Variants in ZNF407 observed in about 807,000 individuals in gnomAD.
ZNF407 encodes the protein zinc finger protein 407.
ZNF407 carries 17 observed loss-of-function variants against 131.2 expected under a neutral mutation model. The observed-to-expected ratio is 0.13, with a 90% CI of 0.09 to 0.19. The LOEUF is 0.19. Among genes scored for constraint, ZNF407 ranks in the 10% least tolerant of loss-of-function variants. The pLI is 1.00. For missense variants in ZNF407, 2,681 were observed against 2,830.6 expected, an observed-to-expected ratio of 0.95 and a Z score of 1.20; for synonymous variants, 1,156 against 1,062.0, an observed-to-expected ratio of 1.09 and a Z score of -1.72.
In ZNF407 at chr18:74,852,187, A is replaced by G. The variant is rs1970795281; in HGVS notation, c.4878-25010A>G. ...GCTACACACACACACACACACACAC[A>G]CACACACACACGCACGCACGCACGC... is the stretch of plus-strand genomic sequence containing the variant. On this transcript the variant is annotated intron_variant, in intron 4 of 8. Coordinates refer to ENST00000299687, the MANE Select transcript of ZNF407 (RefSeq NM_017757.3). Among the ~76,000 whole-genome samples the G allele has an allele frequency of 8.0e-5, 10 of 124,594 alleles. No individual in the cohort carries two copies. In the South Asian group the frequency reaches 2.4e-3, roughly 30 times the overall value. The allele number at this position is 124,594 out of a possible 152,430, so 81.7% of individuals were successfully genotyped here.
At chr18:74,622,771 A>T (rs1001069890) in intron 1 of ZNF407, among the ~76,000 whole-genome samples, 6 of 151,204 alleles carry the variant, frequency 4.0e-5, no homozygotes, top group African/African-American at 1.5e-4. Flanking sequence ...TTTGTGTGTG[A>T]GAGTGCGCGT....
At chr18:74,907,926 A>G (rs905896567) in intron 7 of ZNF407, among the ~76,000 whole-genome samples, 1 of 152,188 alleles carries the variant, frequency 6.6e-6, no homozygotes, top group Non-Finnish European at 1.5e-5. Flanking sequence ...AATTTTGCCA[A>G]TCTGTCACCT....
intron 4 of ZNF407, among the ~76,000 whole-genome samples, chr18:74,809,328 T>G (rs1331041091): frequency 6.6e-6 from 1 of 152,188 alleles, no homozygotes; most frequent in Non-Finnish European, 1.5e-5. Flanking sequence ...AGCATCCCAT[T>G]TGCAGTATAC....
At chr18:74,739,055 G>A (rs1316910086) in intron 3 of ZNF407, among the ~76,000 whole-genome samples, 1 of 151,646 alleles carries the variant, frequency 6.6e-6, no homozygotes, top group South Asian at 2.1e-4. Context: ...TTTAGTGCCA[G>A]TAAATTTTTT....
intron 8 of ZNF407, among the ~76,000 whole-genome samples, chr18:74,989,975 C>G (rs571980856): frequency 6.6e-6 from 1 of 152,202 alleles, no homozygotes; most frequent in African/African-American, 2.4e-5. Context: ...ATGATATTCT[C>G]TGAAAATCAA....
intron 1 of ZNF407, among the ~76,000 whole-genome samples, chr18:74,606,235 G>A (rs1344476446): frequency 1.3e-5 from 2 of 152,046 alleles, no homozygotes; most frequent in African/African-American, 4.8e-5. Flanking sequence ...AATCTGCTAT[G>A]TGAAAAAAAT....
chr18:75,038,157 C>T (rs1181762239), intron 8 of ZNF407, among the ~76,000 whole-genome samples: 2 of 152,224 alleles, frequency 1.3e-5, no homozygotes, highest in African/African-American at 4.8e-5. Context: ...GTGGGTTTAT[C>T]AGCTAAGCTG....
Position 75,063,900 on chromosome 18 carries a change from T to C in ZNF407, c.6179T>C (p.Val2060Ala), listed in dbSNP as rs768432607. The change falls in exon 9 of 9, where the codon GTC becomes GCC. Residue 2060 changes from valine (V) to alanine (A), a missense_variant. Coordinates refer to ENST00000299687, the MANE Select transcript of ZNF407 (RefSeq NM_017757.3). The surrounding 1 kb of genome is among the most constrained non-coding windows in gnomAD (Gnocchi z 6.6). Reference sequence around the variant, plus strand: ...GCCGTGGAGGTGCTCACCCAGGTGGTCCATCCCTCAGCAGCCATGGCCTCT... The same window carrying C: ...GCCGTGGAGGTGCTCACCCAGGTGGCCCATCCCTCAGCAGCCATGGCCTCT... ...PAAVEVLTQVVHPSAAMASQE... is the reference protein window; with the variant it reads ...PAAVEVLTQVAHPSAAMASQE... 3 of 1,613,162 alleles carry C rather than the reference T, an allele frequency of 1.9e-6. No homozygotes were observed. Among genetic ancestry groups the C allele is most frequent in the Non-Finnish European group, 2.5e-6 (3 of 1,179,804 alleles).
At position 74,937,119 on chromosome 18, in the gene ZNF407, A is replaced by G. The variant is rs534447719; in HGVS notation, c.5428+16427A>G. On this transcript the variant is annotated intron_variant, in intron 8 of 8. Coordinates refer to ENST00000299687, the MANE Select transcript of ZNF407 (RefSeq NM_017757.3). ...GCTTTAGGAAAGCACCCCTGAGCAA[A>G]TGACCTGTATAGAGCATCTGGAAAT... Among the ~76,000 whole-genome samples the G allele has an allele frequency of 2.6e-5, 4 of 152,330 alleles. No homozygotes were observed. In the East Asian group the frequency reaches 7.7e-4, roughly 29 times the overall value.
At position 74,982,578 on chromosome 18, in the gene ZNF407, A is replaced by G. The variant is rs115666830; in HGVS notation, c.5428+61886A>G. On this transcript the variant is annotated intron_variant, in intron 8 of 8. Coordinates refer to ENST00000299687, the MANE Select transcript of ZNF407 (RefSeq NM_017757.3). Reference sequence around the variant, plus strand: ...TGAGTTCCCTTGCTACTCATCAGGGATGCAGCTATCACTCATACTCCAGTG... The same window carrying G: ...TGAGTTCCCTTGCTACTCATCAGGGGTGCAGCTATCACTCATACTCCAGTG... Among the ~76,000 whole-genome samples, 379 of 152,326 alleles carry G rather than the reference A, an allele frequency of 2.5e-3. 3 individuals are homozygous for G. Among genetic ancestry groups the G allele is most frequent in the African/African-American group, 8.6e-3 (357 of 41,578 alleles).
At chr18:74,598,129 A>T (rs1200124214) in intron 1 of ZNF407, 192 bp downstream of exon 1, 1 of 120,052 alleles carries the variant, frequency 8.3e-6, no homozygotes, top group East Asian at 2.6e-4. Context: ...CCTTCCCGAC[A>T]CCCGCCCAGA....
intron 3 of ZNF407, among the ~76,000 whole-genome samples, chr18:74,736,469 T>C (rs932619907): frequency 6.6e-6 from 1 of 152,206 alleles, no homozygotes; most frequent in African/African-American, 2.4e-5. Context: ...TTTAGACTTA[T>C]TACCTAGTGG....
chr18:74,877,540 A>G (rs1971176464), intron 5 of ZNF407, among the ~76,000 whole-genome samples, 177 bp downstream of exon 5: 1 of 152,228 alleles, frequency 6.6e-6, no homozygotes, highest in South Asian at 2.1e-4. Flanking sequence ...TTTTTCAGTG[A>G]GAAGGCAATT....
chr18:74,818,912 C>T (rs1419398509), intron 4 of ZNF407, among the ~76,000 whole-genome samples: 3 of 147,706 alleles, frequency 2.0e-5, no homozygotes, highest in Non-Finnish European at 4.5e-5. Context: ...AAGCATTTTA[C>T]CATGACTCTT....
chr18:74,648,058 C>T (rs767758009), intron 3 of ZNF407, among the ~76,000 whole-genome samples: 1 of 152,166 alleles, frequency 6.6e-6, no homozygotes. Context: ...ATTAAACAAA[C>T]ACCTGTTGGA....
rs1488892942 is a variant in ZNF407 at position 74,633,018 on chromosome 18, G to C, written c.1999G>C (p.Glu667Gln). ...VLQTLPLSTL[E>Q]SENAKESMDD... ...ACAGACTTTACCTTTGAGTACTTTA[G>C]AATCAGAAAACGCAAAAGAGTCTAT... is the stretch of plus-strand genomic sequence containing the variant. Residue 667 changes from glutamate to glutamine, a missense_variant, in exon 2 of 9, where the codon GAA becomes CAA. Coordinates refer to ENST00000299687, the MANE Select transcript of ZNF407 (RefSeq NM_017757.3). 1 of 1,613,702 alleles carries C rather than the reference G, an allele frequency of 6.2e-7. No homozygotes were observed. Among genetic ancestry groups the C allele is most frequent in the East Asian group, 2.2e-5 (1 of 44,832 alleles).
intron 3 of ZNF407, among the ~76,000 whole-genome samples, chr18:74,695,532 C>T (rs1206491580): frequency 2.7e-5 from 4 of 148,576 alleles, no homozygotes; most frequent in Middle Eastern, 3.4e-3. Context: ...CAGCCTTTTC[C>T]TGATTTAAAG....
At chr18:74,789,869 TTCCTCTGTA>T (rs1969793044) in intron 4 of ZNF407, among the ~76,000 whole-genome samples, 1 of 151,772 alleles carries the variant, frequency 6.6e-6, no homozygotes. Context: ...TTTTTTTTTT[TTCCTCTGTA>T]CTTTTGTTCT....
chr18:74,607,229 C>T (rs548980414), intron 1 of ZNF407, among the ~76,000 whole-genome samples: 2 of 152,236 alleles, frequency 1.3e-5, no homozygotes, highest in South Asian at 2.1e-4. Context: ...CTCAGCAGGC[C>T]AGGGCTGGGG....
Sources: allele counts gnomAD v4.1 joint callset (sites outside exome capture counted in the v4.1 genomes callset), GRCh38; gene constraint gnomAD v4.1.1; non-coding constraint Gnocchi (gnomAD v3.1); transcripts MANE v1.5; gene names NCBI Gene and HGNC (gene_info 2026-07-23, HGNC 2026-07-21).